RBKS: variants seen among roughly 807,000 people sequenced by gnomAD.
RBKS encodes the protein ribokinase.
Under a neutral mutation model 33.9 loss-of-function variants are expected in RBKS, and 33 were observed. The ratio of observed to expected loss-of-function variants is 0.97; its 90% confidence interval spans 0.74 to 1.30. The LOEUF (loss-of-function observed/expected upper bound fraction) is 1.30. Ranked by LOEUF, RBKS falls within the 50% of genes most tolerant of loss-of-function variation. RBKS has a pLI of 0.00. For missense variants in RBKS, 361 were observed against 392.6 expected (o/e 0.92, Z 0.68); for synonymous variants, 125 against 143.0 (o/e 0.87, Z 0.90).
At chr2:27,801,961 A>ATATAT (rs1386207212) in intron 7 of RBKS, among the ~76,000 whole-genome samples, 215 of 63,628 alleles carry the variant, frequency 3.4e-3, no homozygotes, top group Middle Eastern at 7.9e-3. Flanking sequence ...AAAAAAAAAA[A>ATATAT]AAATATATAT....
At chr2:27,844,830 C>G (rs374062664) in intron 4 of RBKS, among the ~76,000 whole-genome samples, 1 of 152,124 alleles carries the variant, frequency 6.6e-6, no homozygotes, top group Non-Finnish European at 1.5e-5. Flanking sequence ...AAATTCCACA[C>G]GAGGCTTGCA....
At chr2:27,840,374 A>ACGCACGCGCG (rs1346026188) in intron 5 of RBKS, among the ~76,000 whole-genome samples, 7 of 143,082 alleles carry the variant, frequency 4.9e-5, no homozygotes, top group Non-Finnish European at 9.3e-5. Context: ...GCACACACAC[A>ACGCACGCGCG]CACACACACA....
At chr2:27,832,818 T>G in intron 5 of RBKS, 41 bp from the exon 6 acceptor site, 3 of 1,290,090 alleles carry the variant, frequency 2.3e-6, no homozygotes, top group Non-Finnish European at 3.4e-6. Context: ...TAGTTTTCAT[T>G]TTTAACATGG....
chr2:27,857,413 C>T (rs183781146), intron 2 of RBKS, among the ~76,000 whole-genome samples: 5 of 152,238 alleles, frequency 3.3e-5, no homozygotes, highest in East Asian at 1.9e-4. Flanking sequence ...CAAATTATTT[C>T]GGTAGCATGG....
chr2:27,825,773 G>A lies in RBKS; in HGVS notation c.795+1794C>T, dbSNP rs1558542587. ...CCATATCTTTACACTTTGCAATTAT[G>A]TGCACCAAATAAATCCTTTTTCCTG... On this transcript the variant is annotated intron_variant, in intron 7 of 7. Coordinates refer to ENST00000302188, the MANE Select transcript of RBKS (RefSeq NM_022128.3). Among the ~76,000 whole-genome samples the A allele has an allele frequency of 3.9e-5, 6 of 152,294 alleles. No individual in the cohort carries two copies. In the South Asian group the frequency reaches 1.2e-3, roughly 32 times the overall value.
chr2:27,785,340 A>G lies in RBKS; in HGVS notation c.796-3552T>C, dbSNP rs374870424. ...TGTAACATATCCTCAGTATTCAAAG[A>G]ATATCTTCAGACTGCTAGGAAAAAG... is the stretch of plus-strand genomic sequence containing the variant. On this transcript the variant is annotated intron_variant, in intron 7 of 7. Coordinates refer to ENST00000302188, the MANE Select transcript of RBKS (RefSeq NM_022128.3). Among the ~76,000 whole-genome samples the G allele has an allele frequency of 9.2e-5, 14 of 152,348 alleles. No individual in the cohort carries two copies. The South Asian group carries it at 2.1e-3, about 23-fold the overall frequency.
intron 2 of RBKS, among the ~76,000 whole-genome samples, chr2:27,854,307 CA>C (rs764348839): frequency 1.3e-5 from 2 of 152,190 alleles, no homozygotes; most frequent in Non-Finnish European, 2.9e-5. Flanking sequence ...GGACCGGTGA[CA>C]ATCTGCATGC....
chr2:27,794,621 T>C (rs1036462840), intron 7 of RBKS, among the ~76,000 whole-genome samples: 5 of 134,992 alleles, frequency 3.7e-5, no homozygotes, highest in Non-Finnish European at 7.8e-5. Flanking sequence ...TTCGTTTTTT[T>C]TTCTTTTTTT....
chr2:27,861,597 G>T (rs1406704325), intron 1 of RBKS: 2 of 466,366 alleles, frequency 4.3e-6, no homozygotes, highest in East Asian at 1.4e-4. Context: ...TAACCCTGAT[G>T]CAAGTAATAC....
intron 7 of RBKS, among the ~76,000 whole-genome samples, chr2:27,803,396 A>G (rs1479456393): frequency 6.6e-6 from 1 of 152,128 alleles, no homozygotes; most frequent in African/African-American, 2.4e-5. Context: ...TTGATTTTTG[A>G]CATTTAAATT....
chr2:27,791,471 C>T (rs1449879346), intron 7 of RBKS, among the ~76,000 whole-genome samples: 1 of 151,936 alleles, frequency 6.6e-6, no homozygotes, highest in Admixed American at 6.6e-5. Flanking sequence ...TATGTTCTCC[C>T]CTCTCCCTCA....
Position 27,864,532 on chromosome 2 carries a change from T to C in RBKS, c.90-5961A>G, listed in dbSNP as rs1287206393. On this transcript the variant is annotated intron_variant, in intron 1 of 7. Transcript: ENST00000302188. ...ATAAAGATTAGTACATATGGTCTTC[T>C]CCCATGTTACAGTCTTACAGGGCTG... is the stretch of plus-strand genomic sequence containing the variant. Among the ~76,000 whole-genome samples the C allele has an allele frequency of 4.6e-5, 7 of 152,282 alleles. No individual in the cohort carries two copies. The East Asian group carries it at 1.4e-3, about 29-fold the overall frequency.
intron 7 of RBKS, among the ~76,000 whole-genome samples, chr2:27,814,590 G>A (rs1678053182): frequency 6.6e-6 from 1 of 152,196 alleles, no homozygotes; most frequent in African/African-American, 2.4e-5. Flanking sequence ...AAAAGTTAAA[G>A]AGAATACTAA....
chr2:27,850,820 G>C (rs1430008341), intron 2 of RBKS, among the ~76,000 whole-genome samples: 1 of 152,172 alleles, frequency 6.6e-6, no homozygotes, highest in East Asian at 1.9e-4. Context: ...ATTTTTATCA[G>C]TTCTCAATAC....
intron 2 of RBKS, among the ~76,000 whole-genome samples, chr2:27,849,628 AGCCTAGT>A (rs929831572): frequency 6.6e-6 from 1 of 151,568 alleles, no homozygotes; most frequent in African/African-American, 2.4e-5. Flanking sequence ...AAAGCTAGTT[AGCCTAGT>A]GCCTAGTGTA....
intron 5 of RBKS, among the ~76,000 whole-genome samples, chr2:27,835,233 G>A (rs1341245021): frequency 3.3e-5 from 5 of 149,398 alleles, no homozygotes; most frequent in East Asian, 2.0e-4. Context: ...CTGAGATCGC[G>A]TCATTGCACT....
chr2:27,868,263 G>A (rs370873591), intron 1 of RBKS, among the ~76,000 whole-genome samples: 1 of 151,956 alleles, frequency 6.6e-6, no homozygotes, highest in Non-Finnish European at 1.5e-5. Flanking sequence ...TACTATTTTT[G>A]GTGATCATAT....
At chr2:27,858,629 T>C in intron 1 of RBKS, 58 bp from the exon 2 acceptor site, 2 of 1,524,840 alleles carry the variant, frequency 1.3e-6, no homozygotes, top group South Asian at 2.3e-5. Flanking sequence ...TCAATTTAAG[T>C]TCTTTAGAAG....
In RBKS at chr2:27,813,077, A is replaced by G. The variant is rs543726139; in HGVS notation, c.795+14490T>C. ...AGAAATTTATACTACCTGTGTGGCCAGAAATTCACAAGCCAAGAGATCAAA... is the reference window on the plus strand; with the variant it reads ...AGAAATTTATACTACCTGTGTGGCCGGAAATTCACAAGCCAAGAGATCAAA... On this transcript the variant is annotated intron_variant, in intron 7 of 7. Transcript: ENST00000302188. Among the ~76,000 whole-genome samples the G allele has an allele frequency of 2.0e-5, 3 of 152,206 alleles. No homozygotes were observed. In the East Asian group the frequency reaches 5.8e-4, roughly 29 times the overall value.
Sources: allele counts gnomAD v4.1 joint callset (sites outside exome capture counted in the v4.1 genomes callset), GRCh38; gene constraint gnomAD v4.1.1; transcripts MANE v1.5; gene names NCBI Gene and HGNC (gene_info 2026-07-23, HGNC 2026-07-21).